The following LRRC75B variants were observed in gnomAD, a reference collection of about 807,000 sequenced individuals.
LRRC75B encodes the protein leucine-rich repeat-containing protein 75B.
LRRC75B carries 20 observed loss-of-function variants against 16.5 expected under a neutral mutation model. That is an observed-to-expected ratio of 1.21 (90% CI 0.85 to 1.76). LRRC75B has a LOEUF of 1.76. LRRC75B is among the 40% of genes most tolerant of loss of function. The pLI, the probability that LRRC75B is intolerant of heterozygous loss-of-function variation, is 0.00. For synonymous variants in LRRC75B, 199 were observed against 198.1 expected (o/e 1.00, Z -0.04); for missense variants, 406 against 417.0 (o/e 0.97, Z 0.23).
intron 2 of LRRC75B, chr22:24,589,346 G>T: frequency 8.7e-7 from 1 of 1,144,136 alleles, no homozygotes; most frequent in Non-Finnish European, 1.1e-6. Flanking sequence ...TGTTGTAGGG[G>T]AAAGCAGTGA....
At chr22:24,591,716 C>T (rs1431811455) in intron 1 of LRRC75B, among the ~76,000 whole-genome samples, 1 of 152,236 alleles carries the variant, frequency 6.6e-6, no homozygotes, top group Non-Finnish European at 1.5e-5. Flanking sequence ...GAGATCTGTG[C>T]CTCTGGTTGT....
intron 2 of LRRC75B, chr22:24,589,339 T>C: frequency 8.6e-7 from 1 of 1,157,952 alleles, no homozygotes; most frequent in South Asian, 1.7e-5. Context: ...CCCCAGCTGT[T>C]GTAGGGGAAA....
intron 1 of LRRC75B, chr22:24,592,241 C>T: frequency 2.2e-6 from 1 of 459,658 alleles, no homozygotes; most frequent in Non-Finnish European, 4.4e-6. Context: ...AGCAGAGCCA[C>T]CACCGGACCG....
chr22:24,589,741 C>G, intron 2 of LRRC75B, 80 bp downstream of exon 2: 1 of 1,467,410 alleles, frequency 6.8e-7, no homozygotes, highest in Non-Finnish European at 9.1e-7. Flanking sequence ...GACCTAGCCT[C>G]CCAGTCCCCA....
rs1295952193 is a variant in LRRC75B at position 24,592,893 on chromosome 22, G to A, written c.147C>T (p.Arg49=). The change falls in exon 1 of 4, where the codon CGC becomes CGT. Residue 49 remains arginine, a synonymous_variant. Transcript: ENST00000318753. ...QSTLRERRPE[R]ARQLLRLLRQ... ...GCAGGAGGCGCAGCAGCTGCCGGGC[G>A]CGCTCCGGCCGCCGCTCGCGGAGCG... is the stretch of plus-strand genomic sequence containing the variant. The A allele has an allele frequency of 7.8e-7, 1 of 1,280,878 alleles. No individual in the cohort carries two copies. The highest frequency in any genetic ancestry group is 2.4e-5 in the South Asian group (1 of 41,954). 79.3% of individuals were successfully genotyped at this position (1,280,878 alleles called of 1,614,324 possible).
At chr22:24,591,983 C>T (rs1004270350) in intron 1 of LRRC75B, among the ~76,000 whole-genome samples, 11 of 152,254 alleles carry the variant, frequency 7.2e-5, no homozygotes, top group Admixed American at 7.2e-4. Flanking sequence ...CACATTTTCT[C>T]TGTGGGCCCT....
In LRRC75B at chr22:24,591,550, G is replaced by A. The variant is rs138289868; in HGVS notation, c.177+1313C>T. 1.9e-3 allele frequency among the ~76,000 whole-genome samples: 289 copies of A among 152,336 alleles called. 1 individual carries two copies. Among genetic ancestry groups the A allele is most frequent in the Admixed American group, 2.9e-3 (45 of 15,306 alleles). On this transcript the variant is annotated intron_variant, in intron 1 of 3. Coordinates refer to ENST00000318753, the MANE Select transcript of LRRC75B (RefSeq NM_207644.3). ...GGAGGCCGTGGGTCACAGCTGCAGGGTCCCTGCAGGTTATGGAGCAGGATA... is the reference window on the plus strand; with the variant it reads ...GGAGGCCGTGGGTCACAGCTGCAGGATCCCTGCAGGTTATGGAGCAGGATA...
Position 24,593,011 on chromosome 22 carries a change from C to T in LRRC75B, c.29G>A (p.Gly10Glu). 9.2e-7 allele frequency: 1 copy of T among 1,092,486 alleles called. No homozygotes were observed. The highest frequency in any genetic ancestry group is 1.1e-6 in the Non-Finnish European group (1 of 899,924). 67.7% of individuals were successfully genotyped at this position (1,092,486 alleles called of 1,614,324 possible). The change falls in exon 1 of 4, where the codon GGG (glycine) becomes GAG (glutamate). Residue 10 changes from glycine to glutamate, a missense_variant. Gly to Glu is a moderately conservative substitution (Grantham distance 98). Transcript: ENST00000318753. MGARLGRRA[G>E]PEAGSEAGAA... ...CCCGGCCTCAGAGCCAGCCTCGGGC[C>T]CGGCCCGCCGGCCCAGCCGCGCCCC...
intron 3 of LRRC75B, among the ~76,000 whole-genome samples, chr22:24,587,579 T>C (rs2045434816): frequency 1.3e-5 from 2 of 152,118 alleles, no homozygotes; most frequent in African/African-American, 4.8e-5. Context: ...AGTTCAGGCC[T>C]CTGGGCCTGG....
chr22:24,589,046 T>C, intron 2 of LRRC75B: 1 of 1,022,878 alleles, frequency 9.8e-7, no homozygotes, highest in South Asian at 3.4e-5. Flanking sequence ...GCTGTTCCTG[T>C]GATGGCCGTG....
chr22:24,592,265 A>C (rs1268534054), intron 1 of LRRC75B: 6 of 464,852 alleles, frequency 1.3e-5, no homozygotes. Context: ...GTTGTGATGC[A>C]CAGATGCTGG....
chr22:24,592,927 A>T lies in LRRC75B; in HGVS notation c.113T>A (p.Ile38Asn), dbSNP rs1410603457. Residue 38 changes from isoleucine to asparagine, a missense_variant, in exon 1 of 4, where the codon ATC becomes AAC. Physicochemically the swap from Ile to Asn is moderately radical, Grantham distance 149. Transcript: ENST00000318753. ...CCGCCGCTCGCGGAGCGTGGACTGG[A>T]TCTCGCGGAGCCACCGCACCCGGCG... is the stretch of plus-strand genomic sequence containing the variant. ...YERRVRWLRE[I>N]QSTLRERRPE... 3 of 1,250,892 alleles carry T rather than the reference A, an allele frequency of 2.4e-6. No homozygotes were observed. The African/African-American group carries it at 4.7e-5, about 20-fold the overall frequency. 77.5% of individuals were successfully genotyped at this position (1,250,892 alleles called of 1,614,324 possible).
At chr22:24,592,771 G>GC (rs1401093077) in intron 1 of LRRC75B, 92 bp downstream of exon 1, 1 of 1,284,070 alleles carries the variant, frequency 7.8e-7, no homozygotes, top group African/African-American at 1.6e-5. Flanking sequence ...GCGGATACAG[G>GC]CCCACAACCC....
chr22:24,589,572 G>T (rs778537125), intron 2 of LRRC75B: 24 of 507,564 alleles, frequency 4.7e-5, no homozygotes, highest in Non-Finnish European at 7.4e-5. Flanking sequence ...GGTGCACAGT[G>T]CTGCCACACA....
At chr22:24,589,308 G>C in intron 2 of LRRC75B, 1 of 1,198,608 alleles carries the variant, frequency 8.3e-7, no homozygotes, top group Non-Finnish European at 1.1e-6. Context: ...ACCCCAGCAA[G>C]GAGGAGGGCC....
chr22:24,590,860 A>AC (rs372468368), intron 1 of LRRC75B, among the ~76,000 whole-genome samples: 138 of 151,068 alleles, frequency 9.1e-4, no homozygotes, highest in Middle Eastern at 6.9e-3. Context: ...AAGCTCTGGA[A>AC]CCCCCCAGCA....
chr22:24,590,306 A>G lies in LRRC75B; in HGVS notation c.178-357T>C, dbSNP rs148871679. Among the ~76,000 whole-genome samples the G allele has an allele frequency of 6.9e-3, 1,051 of 152,144 alleles. 17 individuals carry two copies. Among genetic ancestry groups the G allele is most frequent in the African/African-American group, 0.024 (1,012 of 41,466 alleles). The stretch of plus-strand genomic sequence containing the variant: ...CTATGCTCAGCTAATTAAAAAAAAA[A>G]TGTTTTGTAGAAATGGGGTCTCACT... On this transcript the variant is annotated intron_variant, in intron 1 of 3. Transcript: ENST00000318753.
chr22:24,588,597 T>G, intron 2 of LRRC75B: 18 of 930,950 alleles, frequency 1.9e-5, no homozygotes, highest in East Asian at 4.2e-5. Context: ...TGAGCCCTTG[T>G]TCCCTGTCCT....
intron 2 of LRRC75B, 112 bp from the exon 3 acceptor site, chr22:24,588,441 A>C: frequency 1.2e-6 from 1 of 850,356 alleles, no homozygotes; most frequent in Non-Finnish European, 1.9e-6. Context: ...GTCATGCACC[A>C]TGCATCACCG....
Sources: allele counts gnomAD v4.1 joint callset (sites outside exome capture counted in the v4.1 genomes callset), GRCh38; gene constraint gnomAD v4.1.1; transcripts MANE v1.5; gene names NCBI Gene and HGNC (gene_info 2026-07-23, HGNC 2026-07-21).